PTPRT: variants seen among roughly 807,000 people sequenced by gnomAD.
PTPRT encodes the protein receptor-type tyrosine-protein phosphatase T.
In PTPRT, 56 loss-of-function variants were observed where a neutral mutation model predicts 176.8. That is an observed-to-expected ratio of 0.32 (90% CI 0.26 to 0.40). PTPRT has a LOEUF of 0.40. PTPRT is among the 10% of genes least tolerant of loss of function. PTPRT has a pLI of 1.00. For synonymous variants in PTPRT, 783 were observed against 739.0 expected (o/e 1.06, Z -0.96); for missense variants, 1,540 against 1,908.2 (o/e 0.81, Z 3.60).
At chr20:42,998,766 A>T (rs976001644) in intron 1 of PTPRT, among the ~76,000 whole-genome samples, 1 of 152,200 alleles carries the variant, frequency 6.6e-6, no homozygotes, top group African/African-American at 2.4e-5. Context: ...ATACTTACTG[A>T]TATCTCCCAT....
intron 2 of PTPRT, 58 bp from the exon 3 acceptor site, chr20:42,791,524 C>G (rs2145552137): frequency 3.3e-6 from 5 of 1,509,918 alleles, no homozygotes; most frequent in Non-Finnish European, 4.5e-6. Context: ...GAAAATCCTT[C>G]TGAAAATCAG....
At chr20:42,181,989 A>T (rs1990545859) in intron 16 of PTPRT, among the ~76,000 whole-genome samples, 2 of 152,228 alleles carry the variant, frequency 1.3e-5, no homozygotes, top group Admixed American at 1.3e-4. Context: ...GAAGGATAAA[A>T]AGTGGCTAAA....
At chr20:42,498,584 A>T (rs1406194629) in intron 7 of PTPRT, among the ~76,000 whole-genome samples, 1 of 151,644 alleles carries the variant, frequency 6.6e-6, no homozygotes, top group East Asian at 1.9e-4. Flanking sequence ...TTCTATAGAG[A>T]CTCTCCTTCC....
chr20:43,148,740 T>C (rs1227892242), intron 1 of PTPRT, among the ~76,000 whole-genome samples: 1 of 152,148 alleles, frequency 6.6e-6, no homozygotes, highest in Non-Finnish European at 1.5e-5. Context: ...GCAGAACCAC[T>C]CTGAAGGCTG....
intron 17 of PTPRT, among the ~76,000 whole-genome samples, chr20:42,151,117 A>C (rs375459900): frequency 6.3e-5 from 9 of 143,400 alleles, no homozygotes; most frequent in African/African-American, 2.3e-4. Context: ...TCAGTCAAAA[A>C]CATCAAGGAT....
intron 2 of PTPRT, among the ~76,000 whole-genome samples, chr20:42,850,123 C>T (rs2078442710): frequency 6.6e-6 from 1 of 152,190 alleles, no homozygotes; most frequent in Non-Finnish European, 1.5e-5. Context: ...TCCATTTTCT[C>T]CTAATCAAAG....
At chr20:42,355,952 T>A (rs1166104609) in intron 9 of PTPRT, among the ~76,000 whole-genome samples, 1 of 152,234 alleles carries the variant, frequency 6.6e-6, no homozygotes, top group Non-Finnish European at 1.5e-5. Context: ...TACAGGATCC[T>A]CACTTACTTG....
chr20:42,105,851 G>A (rs773014747), intron 24 of PTPRT, among the ~76,000 whole-genome samples: 3 of 152,212 alleles, frequency 2.0e-5, no homozygotes, highest in Admixed American at 6.5e-5. Context: ...TCCCTTTGCA[G>A]GATTGATGAT....
chr20:42,100,084 C>T (rs576121495), intron 26 of PTPRT, among the ~76,000 whole-genome samples: 85 of 152,294 alleles, frequency 5.6e-4, no homozygotes, highest in Non-Finnish European at 6.6e-4. Context: ...AGGACCTCAT[C>T]AGAAAATGGG....
chr20:42,093,847 T>C (rs1039547827), intron 27 of PTPRT, among the ~76,000 whole-genome samples: 15 of 152,222 alleles, frequency 9.9e-5, no homozygotes, highest in Admixed American at 5.2e-4. Context: ...TCCTGTGTCA[T>C]TGTTTATTTT....
At chr20:42,918,726 A>G (rs1047921515) in intron 1 of PTPRT, among the ~76,000 whole-genome samples, 2 of 152,282 alleles carry the variant, frequency 1.3e-5, no homozygotes, top group East Asian at 3.9e-4. Context: ...TTCATTTGAG[A>G]GTTCAACCGT....
intron 9 of PTPRT, among the ~76,000 whole-genome samples, chr20:42,377,880 T>C (rs1276915292): frequency 1.3e-5 from 2 of 152,218 alleles, no homozygotes; most frequent in African/African-American, 4.8e-5. Flanking sequence ...AATAACACTA[T>C]AGGAAGAACC....
chr20:43,116,732 T>C (rs1402736785), intron 1 of PTPRT, among the ~76,000 whole-genome samples: 1 of 152,190 alleles, frequency 6.6e-6, no homozygotes, highest in Non-Finnish European at 1.5e-5. Context: ...CCACCACAAA[T>C]GTAGGTACTT....
intron 11 of PTPRT, among the ~76,000 whole-genome samples, chr20:42,345,437 A>T (rs975566773): frequency 7.4e-5 from 11 of 148,948 alleles, no homozygotes; most frequent in Admixed American, 4.0e-4. Flanking sequence ...TATATATATA[A>T]AACTAGTTAC....
chr20:42,799,336 C>T (rs1231075091), intron 2 of PTPRT, among the ~76,000 whole-genome samples: 2 of 152,124 alleles, frequency 1.3e-5, no homozygotes, highest in African/African-American at 4.8e-5. Flanking sequence ...CATAAGCTTG[C>T]ATCCCTCCTG....
At chr20:42,593,908 T>A (rs2073624103) in intron 7 of PTPRT, among the ~76,000 whole-genome samples, 2 of 152,220 alleles carry the variant, frequency 1.3e-5, no homozygotes, top group Admixed American at 6.5e-5. Flanking sequence ...TCAATATGTT[T>A]CCATCTCATT....
At chr20:42,731,987 C>T (rs1291848827) in intron 6 of PTPRT, among the ~76,000 whole-genome samples, 1 of 152,174 alleles carries the variant, frequency 6.6e-6, no homozygotes, top group African/African-American at 2.4e-5. Flanking sequence ...AGGGAGCCCC[C>T]TACTTACTTT....
chr20:42,881,251 C>A (rs532797475), intron 2 of PTPRT, among the ~76,000 whole-genome samples: 1 of 152,294 alleles, frequency 6.6e-6, no homozygotes, highest in East Asian at 1.9e-4. Context: ...GGAGTTGAGA[C>A]CCTAGGGTCA....
chr20:42,849,819 CT>C (rs1363986830), intron 2 of PTPRT, among the ~76,000 whole-genome samples: 1 of 152,174 alleles, frequency 6.6e-6, no homozygotes, highest in Non-Finnish European at 1.5e-5. Flanking sequence ...AATGTTAGCT[CT>C]TCACCCCTAC....
Sources: gnomAD v4.1 joint callset for allele counts (sites outside exome capture counted in the v4.1 genomes callset) on GRCh38, gnomAD v4.1.1 for gene constraint, MANE v1.5 for transcripts, NCBI Gene and HGNC (gene_info 2026-07-23, HGNC 2026-07-21) for gene names.